The following KANK3 variants were observed in gnomAD, a reference collection of about 807,000 sequenced individuals.
KANK3 encodes the protein KN motif and ankyrin repeat domains 3.
In KANK3, 61 loss-of-function variants were observed where a neutral mutation model predicts 65.4. The observed-to-expected ratio is 0.93, with a 90% CI of 0.76 to 1.15. KANK3 has a LOEUF of 1.15. Ranked by LOEUF, KANK3 falls within the 50% of genes most tolerant of loss-of-function variation. The pLI is 0.00. For missense variants in KANK3, 1,187 were observed against 1,178.8 expected (o/e 1.01, Z -0.10); for synonymous variants, 586 against 543.3 (o/e 1.08, Z -1.09).
intron 8 of KANK3, 35 bp downstream of exon 8, chr19:8,324,916 C>T: frequency 6.2e-7 from 1 of 1,607,842 alleles, no homozygotes; most frequent in South Asian, 1.1e-5. Context: ...GGAAGTGACT[C>T]CTGGCTGAGA....
chr19:8,324,381 A>G (rs1229070273), intron 10 of KANK3, 68 bp downstream of exon 10: 3 of 1,403,968 alleles, frequency 2.1e-6, no homozygotes, highest in East Asian at 2.5e-5. Flanking sequence ...GGCTCAGGGC[A>G]TATTTACTAT....
At position 8,333,805 on chromosome 19, in the gene KANK3, G is replaced by A; in HGVS notation, c.1638C>T (p.Cys546=). 1 of 1,536,510 alleles carries A rather than the reference G, an allele frequency of 6.5e-7. No homozygotes were observed. Among genetic ancestry groups the A allele is most frequent in the Non-Finnish European group, 8.8e-7 (1 of 1,139,216 alleles). The change falls in exon 6 of 11, where the codon TGC becomes TGT. Residue 546 remains cysteine, a synonymous_variant. Transcript: ENST00000330915. The surrounding 1 kb of genome is among the most constrained non-coding windows in gnomAD (Gnocchi z 5.0). ...CCTCCCTCAGACGCGGGCTCAGCTCGCACCTGCAGAGGAGGCCAGGAGAGA... is the reference window on the plus strand; with the variant it reads ...CCTCCCTCAGACGCGGGCTCAGCTCACACCTGCAGAGGAGGCCAGGAGAGA... ...AEPQQVAQGR[C]ELSPRLREAC...
chr19:8,327,879 A>T (rs1219005115), intron 7 of KANK3, among the ~76,000 whole-genome samples: 1 of 152,126 alleles, frequency 6.6e-6, no homozygotes, highest in Non-Finnish European at 1.5e-5. Context: ...AGGGAGGAGC[A>T]CCCAGAAATA....
chr19:8,335,271 C>G lies in KANK3; in HGVS notation c.556G>C (p.Val186Leu). ...AGCGCCGCGGCCATCTGCTCGCGCA[C>G]CAGCTGCAGTTGGGCAGGGCCGGGC... ...ASPGPAQLQL[V>L]REQMAAALRR... The change falls in exon 3 of 11, where the codon GTG (valine) becomes CTG (leucine). Residue 186 changes from valine to leucine, a missense_variant. Val to Leu is a conservative substitution (Grantham distance 32). Coordinates refer to ENST00000330915, the MANE Select transcript of KANK3 (RefSeq NM_198471.3). The G allele has an allele frequency of 8.2e-7, 1 of 1,221,296 alleles. No individual in the cohort carries two copies. 75.7% of individuals were successfully genotyped at this position (1,221,296 alleles called of 1,614,324 possible).
At chr19:8,332,985 T>TGGGGGGG in intron 7 of KANK3, 29 bp downstream of exon 7, 4 of 585,686 alleles carry the variant, frequency 6.8e-6, no homozygotes, top group East Asian at 3.5e-5. Flanking sequence ...CATTTCCTGG[T>TGGGGGGG]GTCCCACCCA....
chr19:8,341,243 A>G, intron 1 of KANK3, among the ~76,000 whole-genome samples: 1 of 118,914 alleles, frequency 8.4e-6, no homozygotes, highest in East Asian at 2.3e-4. Flanking sequence ...TTTTTTTTTT[A>G]GAGGCAATGT....
In KANK3 at chr19:8,327,565, A is replaced by G. The variant is rs556549816; in HGVS notation, c.1937-2469T>C. ...AGAATCACTTGAACATGGGAGACAG[A>G]GGTTGCAGTGAGCCAATATCACACC... is the stretch of plus-strand genomic sequence containing the variant. On this transcript the variant is annotated intron_variant, in intron 7 of 10. Transcript: ENST00000330915. Among the ~76,000 whole-genome samples the G allele has an allele frequency of 5.3e-5, 8 of 152,226 alleles. No individual in the cohort carries two copies. The East Asian group carries it at 1.4e-3, about 26-fold the overall frequency.
rs1157772670 is a variant in KANK3 at position 8,334,986 on chromosome 19, C to A, written c.841G>T (p.Glu281Ter). The change falls in exon 3 of 11, where the codon GAG (glutamate) becomes TAG (stop). Residue 281 changes from glutamate to a stop codon, truncating the protein, a stop_gained. Transcript: ENST00000330915. LOFTEE classifies it high-confidence loss of function. Reference sequence around the variant, plus strand: ...CCGTCGAGGACCTGGAGCGCGCCCTCGCTGCGCCCTGCAGCCAGGCCGTCT... The same window carrying A: ...CCGTCGAGGACCTGGAGCGCGCCCTAGCTGCGCCCTGCAGCCAGGCCGTCT... ...SPDGLAAGRS[E>*]GALQVLDGEV... 1.3e-6 allele frequency: 2 copies of A among 1,490,422 alleles called. No individual in the cohort carries two copies. Among genetic ancestry groups the A allele is most frequent in the African/African-American group, 1.5e-5 (1 of 68,750 alleles). The allele number at this position is 1,490,422 out of a possible 1,614,324, so 92.3% of individuals were successfully genotyped here.
intron 9 of KANK3, 33 bp from the exon 10 acceptor site, chr19:8,324,580 G>A (rs1238768529): frequency 6.2e-7 from 1 of 1,612,318 alleles, no homozygotes; most frequent in South Asian, 1.1e-5. Flanking sequence ...AGATCCCTGA[G>A]CCAAGCCATG....
At chr19:8,324,311 T>C in intron 10 of KANK3, 138 bp downstream of exon 10, 2 of 719,822 alleles carry the variant, frequency 2.8e-6, no homozygotes, top group Non-Finnish European at 2.3e-6. Context: ...AGCAGCCACA[T>C]AGGAGAATCC....
chr19:8,332,483 G>A (rs1288504278), intron 7 of KANK3, among the ~76,000 whole-genome samples: 3 of 151,620 alleles, frequency 2.0e-5, no homozygotes, highest in Non-Finnish European at 2.9e-5. Context: ...TGGCTCAGAG[G>A]GCAGAAGGCC....
rs201921116 is a variant in KANK3, at chr19:8,334,935, G to A, written c.892C>T (p.Pro298Ser). Residue 298 changes from proline (P) to serine (S), a missense_variant, in exon 3 of 11, where the codon CCC becomes TCC. Around this residue, in one of 3 missense-constraint regions of KANK3, gnomAD observed 1,078 missense variants for 1,038.2 expected, o/e 1.04. Transcript: ENST00000330915. The part of the protein sequence containing the change: ...DGEVGSLDGT[P>S]QTREVAAEAV... ...TCGGCGGCCACCTCCCGGGTCTGGG[G>A]CGTCCCATCGAGACTCCCGACCTCC... is the stretch of plus-strand genomic sequence containing the variant. The A allele has an allele frequency of 1.6e-3, 2,404 of 1,483,372 alleles. 4 individuals carry two copies. The highest frequency in any genetic ancestry group is 2.3e-3 in the Admixed American group (98 of 42,624). The allele number at this position is 1,483,372 out of a possible 1,614,324, so 91.9% of individuals were successfully genotyped here.
At chr19:8,331,976 G>A (rs541950022) in intron 7 of KANK3, among the ~76,000 whole-genome samples, 11 of 139,404 alleles carry the variant, frequency 7.9e-5, no homozygotes, top group African/African-American at 2.7e-4. Context: ...GGGCCAAAAG[G>A]CCTCTTTTTT....
In KANK3 at chr19:8,324,934, T is replaced by TG; in HGVS notation, c.2082+16dup. ...AGTGACTCCTGGCTGAGAGCCACAGTGGGGGCGCCCACGCACCTGACTGGC... is the reference window on the plus strand; with the variant it reads ...AGTGACTCCTGGCTGAGAGCCACAGTGGGGGGCGCCCACGCACCTGACTGGC... On this transcript the variant is annotated intron_variant, in intron 8 of 10. Coordinates refer to ENST00000330915, the MANE Select transcript of KANK3 (RefSeq NM_198471.3). The TG allele has an allele frequency of 6.2e-7, 1 of 1,611,256 alleles. No individual in the cohort carries two copies. Among genetic ancestry groups the TG allele is most frequent in the Non-Finnish European group, 8.5e-7 (1 of 1,178,298 alleles).
At position 8,333,344 on chromosome 19, in the gene KANK3, T is replaced by A; in HGVS notation, c.1720-114A>T. 3 of 835,970 alleles carry A rather than the reference T, an allele frequency of 3.6e-6. No homozygotes were observed. Among genetic ancestry groups the A allele is most frequent in the Non-Finnish European group, 5.5e-6 (3 of 545,414 alleles). 51.8% of individuals were successfully genotyped at this position (835,970 alleles called of 1,614,324 possible). A position where few individuals can be genotyped will look rare whatever the true frequency, so the allele number is the denominator to read the frequency against. On this transcript the variant is annotated intron_variant, in intron 6 of 10. Transcript: ENST00000330915. This position sits in a 1 kb window ranked among gnomAD's most constrained non-coding sequence, Gnocchi z 5.0. ...GACCCATTTGGCGTTTCCAGGCAAG[T>A]AAGGAAGGTCACTCCTCGTCCAGGT...
At position 8,335,180 on chromosome 19, in the gene KANK3, G is replaced by A. The variant is rs1438104074; in HGVS notation, c.647C>T (p.Ala216Val). 4.9e-6 allele frequency: 6 copies of A among 1,214,980 alleles called. No individual in the cohort carries two copies. The highest frequency in any genetic ancestry group is 6.1e-6 in the Non-Finnish European group (6 of 978,126). The allele number at this position is 1,214,980 out of a possible 1,614,324, so 75.3% of individuals were successfully genotyped here. The change falls in exon 3 of 11, where the codon GCG becomes GTG. Residue 216 changes from alanine to valine, a missense_variant. By Grantham distance (64) the Ala-to-Val change is moderately conservative. Transcript: ENST00000330915. ...TLPELQEQVR[A>V]LRAEKARLLA... The stretch of plus-strand genomic sequence containing the variant: ...CAGCCGCGCCTTCTCGGCGCGCAGC[G>A]CGCGCACCTGCTCCTGCAGCTCGGG...
At position 8,324,986 on chromosome 19, in the gene KANK3, A is replaced by G; in HGVS notation, c.2047T>C (p.Phe683Leu). 1 of 1,613,288 alleles carries G rather than the reference A, an allele frequency of 6.2e-7. No individual in the cohort carries two copies. The highest frequency in any genetic ancestry group is 1.3e-5 in the African/African-American group (1 of 74,572). ...EEDMAVVQRL[F>L]CMGDVNAKAS... is the part of the protein sequence containing the mutation. ...TTGGCATTGACATCACCCATGCAGA[A>G]GAGTCTCTGGACCACAGCCATGTCC... The change falls in exon 8 of 11, where the codon TTC becomes CTC. Residue 683 changes from phenylalanine to leucine, a missense_variant. Physicochemically the swap from Phe to Leu is conservative, Grantham distance 22. This residue lies in a region of KANK3 where 1,078 missense variants were observed against 1,038.2 expected (regional missense o/e 1.04). Transcript: ENST00000330915.
intron 1 of KANK3, among the ~76,000 whole-genome samples, chr19:8,341,656 C>G (rs993200786): frequency 5.9e-5 from 9 of 152,106 alleles, no homozygotes; most frequent in African/African-American, 1.9e-4. Context: ...CGTGCCCGGC[C>G]TAATTTTATT....
chr19:8,324,127 C>A (rs3760685), intron 10 of KANK3, among the ~76,000 whole-genome samples: 40,392 of 152,026 alleles, frequency 0.27, 5,644 homozygotes, highest in African/African-American at 0.34. Context: ...GCTTTCACAT[C>A]AAATCCCAGC....
Sources: gnomAD v4.1 joint callset for allele counts (sites outside exome capture counted in the v4.1 genomes callset) on GRCh38, gnomAD v4.1.1 for gene constraint, gnomAD v4.1.1 regional missense constraint, Gnocchi (gnomAD v3.1) non-coding constraint, MANE v1.5 for transcripts, NCBI Gene and HGNC (gene_info 2026-07-23, HGNC 2026-07-21) for gene names.